Variants in SLCO3A1 observed in about 807,000 individuals in gnomAD.
SLCO3A1 encodes PGE1 transporter.
SLCO3A1 carries 27 observed loss-of-function variants against 63.1 expected under a neutral mutation model. The ratio of observed to expected loss-of-function variants is 0.43; its 90% CI spans 0.32 to 0.59. The LOEUF is 0.59. SLCO3A1 is among the 20% of genes least tolerant of loss of function. The pLI, the probability that SLCO3A1 is intolerant of heterozygous loss-of-function variation, is 0.09. For missense variants in SLCO3A1, 773 were observed against 945.8 expected (o/e 0.82, Z 2.40); for synonymous variants, 473 against 409.9 (o/e 1.15, Z -1.86).
At chr15:92,014,713 A>G (rs564341809) in intron 2 of SLCO3A1, among the ~76,000 whole-genome samples, 1 of 152,250 alleles carries the variant, frequency 6.6e-6, no homozygotes, top group Non-Finnish European at 1.5e-5. Context: ...CTGCCAGGCT[A>G]TATGGTGGAA....
intron 2 of SLCO3A1, among the ~76,000 whole-genome samples, chr15:92,008,642 C>G (rs8040010): frequency 0.33 from 49,765 of 152,066 alleles, 8,416 homozygotes; most frequent in Admixed American, 0.39. Context: ...GTTTAAAATT[C>G]TGTGTTCAAC....
At chr15:91,953,448 G>T (rs116917313) in intron 2 of SLCO3A1, among the ~76,000 whole-genome samples, 2,666 of 152,208 alleles carry the variant, frequency 0.018, 20 homozygotes, top group Non-Finnish European at 0.028. Flanking sequence ...ATGGTGTCAG[G>T]CCTCTTGGGG....
intron 1 of SLCO3A1, among the ~76,000 whole-genome samples, chr15:91,884,846 A>T (rs959671968): frequency 2.6e-5 from 4 of 151,484 alleles, no homozygotes; most frequent in African/African-American, 9.7e-5. Context: ...TTCATATATT[A>T]TCTCATTTCA....
chr15:91,941,201 GGC>G lies in SLCO3A1; in HGVS notation c.646+24744_646+24745del, dbSNP rs1435101258. 2 of 168,164 alleles carry G rather than the reference GGC, an allele frequency of 1.2e-5. No individual in the cohort carries two copies. Among genetic ancestry groups the G allele is most frequent in the East Asian group, 3.4e-4 (2 of 5,844 alleles). 10.4% of individuals were successfully genotyped at this position (168,164 alleles called of 1,614,324 possible). A position where few individuals can be genotyped will look rare whatever the true frequency, so the allele number is the denominator to read the frequency against. ...ACTGCTCCAGGGCAGGTGGAAAGTAGGCTTGTTTCACTGGCCTGGCCGGAAGG... is the reference window on the plus strand; with the variant it reads ...ACTGCTCCAGGGCAGGTGGAAAGTAGTTGTTTCACTGGCCTGGCCGGAAGG... On this transcript the variant is annotated intron_variant, in intron 2 of 9. Transcript: ENST00000318445. This position sits in a 1 kb window ranked among gnomAD's most constrained non-coding sequence, Gnocchi z 4.4.
At chr15:92,150,592 C>A (rs2048291958) in intron 8 of SLCO3A1, among the ~76,000 whole-genome samples, 1 of 151,874 alleles carries the variant, frequency 6.6e-6, no homozygotes, top group African/African-American at 2.4e-5. Context: ...ATGTTTTCCC[C>A]CCCATACGTG....
intron 2 of SLCO3A1, among the ~76,000 whole-genome samples, chr15:91,996,379 G>T (rs1039917466): frequency 3.9e-5 from 6 of 152,036 alleles, no homozygotes; most frequent in Admixed American, 3.9e-4. Context: ...CATATTCATG[G>T]ATGGGATGAT....
chr15:92,035,397 C>T (rs1045715746), intron 2 of SLCO3A1, among the ~76,000 whole-genome samples: 4 of 151,758 alleles, frequency 2.6e-5, no homozygotes, highest in Non-Finnish European at 5.9e-5. Context: ...GATACAGAAA[C>T]CCAGATCTGT....
At chr15:91,918,447 C>T (rs1053840896) in intron 2 of SLCO3A1, among the ~76,000 whole-genome samples, 2 of 152,096 alleles carry the variant, frequency 1.3e-5, no homozygotes, top group Non-Finnish European at 2.9e-5. Flanking sequence ...ACATCGTAGC[C>T]CATGCCATGG....
At chr15:92,029,879 G>T (rs1210813702) in intron 2 of SLCO3A1, among the ~76,000 whole-genome samples, 1 of 150,604 alleles carries the variant, frequency 6.6e-6, no homozygotes, top group Non-Finnish European at 1.5e-5. Context: ...GATTCAATCA[G>T]GCACCTTCTT....
chr15:91,924,204 G>A (rs1461537604), intron 2 of SLCO3A1, among the ~76,000 whole-genome samples: 1 of 152,180 alleles, frequency 6.6e-6, no homozygotes, highest in Non-Finnish European at 1.5e-5. Flanking sequence ...AATGAGAAAA[G>A]CAGACAGTGT....
chr15:91,955,347 T>C (rs1900135740), intron 2 of SLCO3A1, among the ~76,000 whole-genome samples: 1 of 141,222 alleles, frequency 7.1e-6, no homozygotes, highest in Non-Finnish European at 1.6e-5. Context: ...CTTTTTTTTT[T>C]TTTGAAACAG....
chr15:92,162,949 G>A lies in SLCO3A1; in HGVS notation c.1947G>A (p.Arg649=), dbSNP rs2048458582. Residue 649 remains arginine (R), a synonymous_variant, in exon 10 of 10, where the codon AGG becomes AGA. Coordinates refer to ENST00000318445, the MANE Select transcript of SLCO3A1 (RefSeq NM_013272.4). ...ACACCACCACGTGGCAGTGCCTGAG[G>A]AAAAACTATAAACGCTACATCAAAA... is the stretch of plus-strand genomic sequence containing the variant. ...ILYTTTWQCL[R]KNYKRYIKNH... is the part of the protein sequence containing the mutation. The A allele has an allele frequency of 1.9e-6, 3 of 1,614,160 alleles. No homozygotes were observed. Among genetic ancestry groups the A allele is most frequent in the Non-Finnish European group, 2.5e-6 (3 of 1,180,018 alleles).
intron 2 of SLCO3A1, among the ~76,000 whole-genome samples, chr15:92,005,741 A>G (rs2046305040): frequency 6.6e-6 from 1 of 152,118 alleles, no homozygotes; most frequent in South Asian, 2.1e-4. Context: ...CTTTTACACA[A>G]CCCGATAGAT....
At chr15:92,010,000 T>C (rs2046351923) in intron 2 of SLCO3A1, among the ~76,000 whole-genome samples, 1 of 152,196 alleles carries the variant, frequency 6.6e-6, no homozygotes, top group Non-Finnish European at 1.5e-5. Flanking sequence ...GACTTCATTG[T>C]GTAGCTCCTC....
intron 8 of SLCO3A1, among the ~76,000 whole-genome samples, chr15:92,150,313 C>A (rs910828339): frequency 2.0e-5 from 3 of 152,286 alleles, no homozygotes; most frequent in Admixed American, 2.0e-4. Flanking sequence ...GCCTTTCCCA[C>A]CCCACTGACT....
At chr15:92,035,313 G>A (rs2046711456) in intron 2 of SLCO3A1, among the ~76,000 whole-genome samples, 1 of 151,734 alleles carries the variant, frequency 6.6e-6, no homozygotes, top group Non-Finnish European at 1.5e-5. Context: ...TTTGCCAATG[G>A]GAAACATCAT....
At chr15:91,998,477 A>G (rs2046217234) in intron 2 of SLCO3A1, among the ~76,000 whole-genome samples, 1 of 152,168 alleles carries the variant, frequency 6.6e-6, no homozygotes, top group Non-Finnish European at 1.5e-5. Flanking sequence ...AAAGTGGGCA[A>G]AAGACATGAA....
chr15:92,069,185 G>C (rs2047187787), intron 2 of SLCO3A1, among the ~76,000 whole-genome samples: 1 of 149,936 alleles, frequency 6.7e-6, no homozygotes, highest in Non-Finnish European at 1.5e-5. Flanking sequence ...GATAGAGGGT[G>C]CTACCAGGAT....
intron 2 of SLCO3A1, among the ~76,000 whole-genome samples, chr15:92,032,858 C>T (rs2046671694): frequency 7.8e-6 from 1 of 127,516 alleles, no homozygotes; most frequent in Non-Finnish European, 1.6e-5. Flanking sequence ...GAAGAGATAA[C>T]AATTACTCTG....
Sources: allele counts gnomAD v4.1 joint callset (sites outside exome capture counted in the v4.1 genomes callset), GRCh38; gene constraint gnomAD v4.1.1; non-coding constraint Gnocchi (gnomAD v3.1); transcripts MANE v1.5; gene names NCBI Gene and HGNC (gene_info 2026-07-23, HGNC 2026-07-21).